Variants in KIAA0825 observed in about 807,000 individuals in gnomAD.
The protein encoded by KIAA0825 is uncharacterized protein KIAA0825.
A neutral mutation model predicts 147.6 loss-of-function variants in KIAA0825; 119 were observed. The observed-to-expected ratio is 0.81, with a 90% confidence interval of 0.69 to 0.94. KIAA0825 has a LOEUF of 0.94. Ranked by LOEUF, KIAA0825 falls within the 40% of genes least tolerant of loss-of-function variation. The pLI, the probability that KIAA0825 is intolerant of heterozygous loss-of-function variation, is 0.00. For missense variants in KIAA0825, 1,381 were observed against 1,472.7 expected (o/e 0.94, Z 1.02); for synonymous variants, 470 against 518.1 (o/e 0.91, Z 1.26).
chr5:94,395,996 C>A (rs1750604712), intron 17 of KIAA0825, 105 bp downstream of exon 17: 1 of 1,099,422 alleles, frequency 9.1e-7, no homozygotes, highest in East Asian at 2.9e-5. Context: ...ATGAATTTAG[C>A]AAAATACTAC....
At chr5:94,527,457 A>G (rs1027944484) in intron 3 of KIAA0825, among the ~76,000 whole-genome samples, 45 of 152,062 alleles carry the variant, frequency 3.0e-4, no homozygotes, top group Non-Finnish European at 5.2e-4. Flanking sequence ...TTTAAATAAA[A>G]AGATTGTAGA....
intron 1 of KIAA0825, among the ~76,000 whole-genome samples, chr5:94,608,600 C>G (rs557745964): frequency 2.1e-4 from 28 of 134,900 alleles, no homozygotes; most frequent in African/African-American, 7.1e-4. Flanking sequence ...TCCCAAAGTA[C>G]TGGGATTACA....
intron 20 of KIAA0825, among the ~76,000 whole-genome samples, chr5:94,301,425 A>G (rs1778397862): frequency 6.6e-6 from 1 of 151,734 alleles, no homozygotes; most frequent in Admixed American, 6.6e-5. Flanking sequence ...GTAAACCAAA[A>G]CTACTTACTC....
rs144477657 is a variant in KIAA0825 at position 94,284,243 on chromosome 5, T to C, written c.3710+100125A>G. On this transcript the variant is annotated intron_variant, in intron 20 of 20. Transcript: ENST00000682413. ...GCTATAGTTTCCCAATACCTAATTA[T>C]AACTGCTTTTTCTTTATTAAAGGTG... 1.7e-4 allele frequency among the ~76,000 whole-genome samples: 26 copies of C among 152,280 alleles called. No individual in the cohort carries two copies. In the South Asian group the frequency reaches 2.3e-3, roughly 13 times the overall value.
intron 20 of KIAA0825, among the ~76,000 whole-genome samples, chr5:94,277,406 T>G (rs534011583): frequency 1.0e-3 from 157 of 151,908 alleles, no homozygotes; most frequent in Non-Finnish European, 2.0e-3. Context: ...TTAATCAAAT[T>G]TACAAGAAAA....
At chr5:94,559,446 G>A (rs1336037366) in intron 2 of KIAA0825, among the ~76,000 whole-genome samples, 1 of 152,104 alleles carries the variant, frequency 6.6e-6, no homozygotes, top group African/African-American at 2.4e-5. Context: ...GACACAAAAT[G>A]AAAACAAGTT....
At chr5:94,347,336 G>T (rs1028425309) in intron 20 of KIAA0825, among the ~76,000 whole-genome samples, 3 of 152,214 alleles carry the variant, frequency 2.0e-5, no homozygotes, top group Non-Finnish European at 4.4e-5. Context: ...CTCCTGGCAG[G>T]ATGCCGACCA....
intron 20 of KIAA0825, among the ~76,000 whole-genome samples, chr5:94,255,707 CTTTTTTTTTTTTTTT>C (rs57646287): frequency 1.0e-4 from 5 of 47,798 alleles, no homozygotes; most frequent in South Asian, 7.6e-4. Flanking sequence ...AGAATTATGG[CTTTTTTTTTTTTTTT>C]TTTTTTTTTT....
At chr5:94,275,679 A>G (rs1220970106) in intron 20 of KIAA0825, among the ~76,000 whole-genome samples, 2 of 152,164 alleles carry the variant, frequency 1.3e-5, no homozygotes, top group African/African-American at 4.8e-5. Context: ...GTCAATTTAA[A>G]AGACATCACT....
At position 94,408,107 on chromosome 5, in the gene KIAA0825, G is replaced by A. The variant is rs558369750; in HGVS notation, c.2663-4314C>T. Among the ~76,000 whole-genome samples, 312 of 152,258 alleles carry A rather than the reference G, an allele frequency of 2.0e-3. 3 individuals carry two copies. The highest frequency in any genetic ancestry group is 7.1e-3 in the African/African-American group (297 of 41,540). The stretch of plus-strand genomic sequence containing the variant: ...TTTCCAATAAAACTTTATTAAAATG[G>A]TGGGTTGGATTTGGTCCAAAGGCAA... On this transcript the variant is annotated intron_variant, in intron 15 of 20. Coordinates refer to ENST00000682413, the MANE Select transcript of KIAA0825 (RefSeq NM_001145678.3).
At chr5:94,307,376 T>G (rs1232292385) in intron 20 of KIAA0825, among the ~76,000 whole-genome samples, 1 of 151,768 alleles carries the variant, frequency 6.6e-6, no homozygotes, top group Non-Finnish European at 1.5e-5. Flanking sequence ...CTCTGATGTT[T>G]CTTCAATTGT....
chr5:94,440,442 T>C (rs1305937916), intron 13 of KIAA0825, among the ~76,000 whole-genome samples: 1 of 152,220 alleles, frequency 6.6e-6, no homozygotes, highest in Non-Finnish European at 1.5e-5. Flanking sequence ...TTTGAATGCA[T>C]TCATTTGTTT....
intron 20 of KIAA0825, among the ~76,000 whole-genome samples, chr5:94,155,418 C>G (rs1349921249): frequency 6.6e-6 from 1 of 151,536 alleles, no homozygotes; most frequent in South Asian, 2.1e-4. Context: ...AGGGTCTCCC[C>G]TATGTTGCCC....
intron 20 of KIAA0825, among the ~76,000 whole-genome samples, chr5:94,207,429 A>C (rs2150036669): frequency 6.6e-6 from 1 of 152,274 alleles, no homozygotes; most frequent in African/African-American, 2.4e-5. Context: ...GATCTTTGGC[A>C]CTCAAATAAA....
In KIAA0825 at chr5:94,320,141, A is replaced by G. The variant is rs1242208093; in HGVS notation, c.3710+64227T>C. On this transcript the variant is annotated intron_variant, in intron 20 of 20. Coordinates refer to ENST00000682413, the MANE Select transcript of KIAA0825 (RefSeq NM_001145678.3). ...TCCCACTTTCAAAAGCACCTACCCTATATCTGTATGGGCTTTACTTCATAG... is the reference window on the plus strand; with the variant it reads ...TCCCACTTTCAAAAGCACCTACCCTGTATCTGTATGGGCTTTACTTCATAG... Among the ~76,000 whole-genome samples, 7 of 151,930 alleles carry G rather than the reference A, an allele frequency of 4.6e-5. No individual in the cohort carries two copies. The East Asian group carries it at 5.8e-4, about 13-fold the overall frequency.
intron 1 of KIAA0825, among the ~76,000 whole-genome samples, chr5:94,587,093 ATG>A (rs1783449768): frequency 6.6e-6 from 1 of 152,198 alleles, no homozygotes; most frequent in East Asian, 1.9e-4. Flanking sequence ...ATCATACTGG[ATG>A]GGCAAAAACT....
At chr5:94,214,303 A>G (rs1773013612) in intron 20 of KIAA0825, among the ~76,000 whole-genome samples, 1 of 152,200 alleles carries the variant, frequency 6.6e-6, no homozygotes, top group Non-Finnish European at 1.5e-5. Flanking sequence ...TCCTTTATCA[A>G]GTAATTGGAC....
intron 20 of KIAA0825, among the ~76,000 whole-genome samples, chr5:94,318,448 G>C (rs1355286751): frequency 6.6e-6 from 1 of 151,900 alleles, no homozygotes; most frequent in Middle Eastern, 3.4e-3. Context: ...GTAGGATAAG[G>C]CTACTTTAGA....
At chr5:94,522,621 T>C (rs867754907) in intron 4 of KIAA0825, among the ~76,000 whole-genome samples, 6 of 151,664 alleles carry the variant, frequency 4.0e-5, no homozygotes, top group Non-Finnish European at 8.9e-5. Flanking sequence ...AAAACAGATG[T>C]ATGAAAAATG....
Sources: allele counts gnomAD v4.1 joint callset (sites outside exome capture counted in the v4.1 genomes callset), GRCh38; gene constraint gnomAD v4.1.1; transcripts MANE v1.5; gene names NCBI Gene and HGNC (gene_info 2026-07-23, HGNC 2026-07-21).